VTI1A: variants seen among roughly 807,000 people sequenced by gnomAD.
VTI1A encodes the protein vesicle transport through interaction with t-SNAREs homolog 1A.
Under a neutral mutation model 34.9 loss-of-function variants are expected in VTI1A, and 22 were observed. The observed-to-expected ratio is 0.63, with a 90% CI of 0.45 to 0.90. VTI1A has a LOEUF of 0.90. Among genes scored for constraint, VTI1A ranks in the 40% least tolerant of loss-of-function variants. The probability of loss-of-function intolerance (pLI) is 0.00; values close to 1 mark genes in which losing one functional copy is unlikely to be tolerated. For synonymous variants in VTI1A, 87 were observed against 97.3 expected, an observed-to-expected ratio of 0.89 and a Z score of 0.62; for missense variants, 268 against 275.6, an observed-to-expected ratio of 0.97 and a Z score of 0.20.
intron 7 of VTI1A, among the ~76,000 whole-genome samples, chr10:112,691,524 T>C (rs1848616735): frequency 6.6e-6 from 1 of 152,142 alleles, no homozygotes; most frequent in African/African-American, 2.4e-5. Context: ...TGGTGGACAG[T>C]AGCTACATTT....
At chr10:112,588,671 G>T (rs1481297680) in intron 5 of VTI1A, among the ~76,000 whole-genome samples, 2 of 152,214 alleles carry the variant, frequency 1.3e-5, no homozygotes, top group Non-Finnish European at 2.9e-5. Flanking sequence ...GCAAGTAGTA[G>T]GGAACAGTAA....
intron 5 of VTI1A, among the ~76,000 whole-genome samples, chr10:112,609,160 C>A (rs1845199215): frequency 6.6e-6 from 1 of 152,024 alleles, no homozygotes; most frequent in Non-Finnish European, 1.5e-5. Flanking sequence ...TTATACTGTG[C>A]TGCTTAATCC....
chr10:112,700,445 T>C (rs1590087080), intron 7 of VTI1A, among the ~76,000 whole-genome samples: 1 of 152,162 alleles, frequency 6.6e-6, no homozygotes, highest in Admixed American at 6.5e-5. Context: ...GCTAGTTCTC[T>C]ACTAGGCACT....
chr10:112,847,259 T>C, the VTI1A span, among the ~76,000 whole-genome samples: 1 of 152,184 alleles, frequency 6.6e-6, no homozygotes, highest in African/African-American at 2.4e-5. Context: ...TCTTTGGTAG[T>C]TGGAGCAGCC....
chr10:112,730,179 A>G (rs983730202), intron 7 of VTI1A, among the ~76,000 whole-genome samples: 5 of 152,200 alleles, frequency 3.3e-5, no homozygotes. Flanking sequence ...TTTAAAGGTG[A>G]AGATGGGCTT....
intron 7 of VTI1A, among the ~76,000 whole-genome samples, chr10:112,758,671 G>C (rs946867844): frequency 6.6e-6 from 1 of 152,214 alleles, no homozygotes; most frequent in African/African-American, 2.4e-5. Flanking sequence ...GTGGCCTTGG[G>C]CCATTCCCCT....
chr10:112,760,402 A>G (rs1308779816), intron 7 of VTI1A, among the ~76,000 whole-genome samples: 1 of 152,192 alleles, frequency 6.6e-6, no homozygotes, highest in East Asian at 1.9e-4. Context: ...AAAATGTCTT[A>G]GTATCTTTCA....
chr10:112,518,710 G>A (rs1849900597), intron 3 of VTI1A, among the ~76,000 whole-genome samples: 1 of 150,050 alleles, frequency 6.7e-6, no homozygotes, highest in African/African-American at 2.5e-5. Flanking sequence ...GTAAAGCTGG[G>A]ATACACTTAA....
chr10:112,721,402 T>C (rs1849803330), intron 7 of VTI1A, among the ~76,000 whole-genome samples: 1 of 152,268 alleles, frequency 6.6e-6, no homozygotes, highest in Admixed American at 6.5e-5. Context: ...GTAAGAATAC[T>C]GTACCTTAAG....
At chr10:112,507,846 A>G (rs556922989) in intron 3 of VTI1A, among the ~76,000 whole-genome samples, 74 of 152,270 alleles carry the variant, frequency 4.9e-4, no homozygotes, top group African/African-American at 1.6e-3. Flanking sequence ...AGTTTGCCAG[A>G]AGTTTGGCTG....
chr10:112,712,476 A>T (rs79279354), intron 7 of VTI1A, among the ~76,000 whole-genome samples: 1,854 of 86,586 alleles, frequency 0.021, 40 homozygotes, highest in African/African-American at 0.079. Context: ...AACTATTATC[A>T]CACACACACA....
chr10:112,813,988 G>C (rs2134093734), intron 7 of VTI1A, among the ~76,000 whole-genome samples: 1 of 152,338 alleles, frequency 6.6e-6, no homozygotes, highest in African/African-American at 2.4e-5. Flanking sequence ...GAGGGAGTGG[G>C]TTGGTCTGAT....
chr10:112,536,623 C>G (rs1391577144), intron 4 of VTI1A, among the ~76,000 whole-genome samples: 1 of 151,270 alleles, frequency 6.6e-6, no homozygotes, highest in Non-Finnish European at 1.5e-5. Context: ...CAATTTTTCT[C>G]TTAATATCTC....
intron 2 of VTI1A, among the ~76,000 whole-genome samples, chr10:112,460,827 C>T (rs1271176429): frequency 1.3e-5 from 2 of 152,172 alleles, no homozygotes; most frequent in Non-Finnish European, 2.9e-5. Context: ...CGTTTCATAA[C>T]AGCTGTAAAT....
chr10:112,799,792 T>C (rs1327449875), intron 7 of VTI1A, among the ~76,000 whole-genome samples: 1 of 152,150 alleles, frequency 6.6e-6, no homozygotes, highest in African/African-American at 2.4e-5. Flanking sequence ...CAAGTTTGAA[T>C]AGACAGCACA....
chr10:112,595,444 T>C (rs1006563591), intron 5 of VTI1A, among the ~76,000 whole-genome samples: 12 of 151,916 alleles, frequency 7.9e-5, no homozygotes, highest in South Asian at 6.2e-4. Flanking sequence ...GAATCTACAA[T>C]GCACTCAAAC....
chr10:112,728,796 A>C (rs1239151855), intron 7 of VTI1A, among the ~76,000 whole-genome samples: 1 of 152,242 alleles, frequency 6.6e-6, no homozygotes, highest in Non-Finnish European at 1.5e-5. Context: ...TATTGATAGT[A>C]GCATGATTAT....
At chr10:112,604,653 T>C (rs1845006582) in intron 5 of VTI1A, among the ~76,000 whole-genome samples, 1 of 152,252 alleles carries the variant, frequency 6.6e-6, no homozygotes. Context: ...TGTTTGGGCA[T>C]ATTCCTGTAT....
At chr10:112,852,355 A>G in the VTI1A span, among the ~76,000 whole-genome samples, 1 of 152,200 alleles carries the variant, frequency 6.6e-6, no homozygotes, top group Admixed American at 6.5e-5. Flanking sequence ...TGAGAAAGCC[A>G]CAGGCCCTCC....
Sources: allele counts gnomAD v4.1 joint callset (sites outside exome capture counted in the v4.1 genomes callset), GRCh38; gene constraint gnomAD v4.1.1; transcripts MANE v1.5; gene names NCBI Gene and HGNC (gene_info 2026-07-23, HGNC 2026-07-21).